Variants in CACNB4 observed in about 807,000 individuals in gnomAD.
CACNB4 encodes the protein voltage-dependent L-type calcium channel subunit beta-4.
A neutral mutation model predicts 71.2 loss-of-function variants in CACNB4; 32 were observed. That is an observed-to-expected ratio of 0.45 (90% confidence interval 0.34 to 0.60). The LOEUF (loss-of-function observed/expected upper bound fraction) is 0.60, where lower values mean the gene tolerates loss of function less well. Ranked by LOEUF, CACNB4 falls within the 20% of genes least tolerant of loss-of-function variation. The pLI, the probability that CACNB4 is intolerant of heterozygous loss-of-function variation, is 0.01. For missense variants in CACNB4, 464 were observed against 647.9 expected (o/e 0.72, Z 3.08); for synonymous variants, 231 against 236.9 (o/e 0.97, Z 0.23).
intron 4 of CACNB4, 78 bp downstream of exon 4, chr2:151,880,722 C>T: frequency 6.6e-7 from 1 of 1,516,850 alleles, no homozygotes; most frequent in Non-Finnish European, 9.0e-7. Context: ...GGTCTCCTCT[C>T]TGGCTAGTTT....
intron 2 of CACNB4, among the ~76,000 whole-genome samples, chr2:151,948,487 C>T (rs184880727): frequency 4.6e-5 from 7 of 152,156 alleles, no homozygotes; most frequent in African/African-American, 1.7e-4. Flanking sequence ...CAGGGAGACT[C>T]CTGTCTCTAT....
chr2:152,085,070 G>C (rs1687577384), intron 2 of CACNB4, among the ~76,000 whole-genome samples: 1 of 152,158 alleles, frequency 6.6e-6, no homozygotes, highest in African/African-American at 2.4e-5. Context: ...AGAGAATATT[G>C]AAGACGGATT....
At chr2:151,847,842 C>T (rs181066792) in intron 12 of CACNB4, among the ~76,000 whole-genome samples, 2 of 152,276 alleles carry the variant, frequency 1.3e-5, no homozygotes, top group East Asian at 3.9e-4. Flanking sequence ...GCTCCGATCG[C>T]GCCACTGCAC....
chr2:151,883,414 T>C (rs754850658), intron 2 of CACNB4, 44 bp from the exon 3 acceptor site: 1 of 1,607,440 alleles, frequency 6.2e-7, no homozygotes, highest in East Asian at 2.2e-5. Context: ...TGTAGCTTCT[T>C]AAATTGTCAC....
intron 2 of CACNB4, among the ~76,000 whole-genome samples, chr2:151,916,632 A>G (rs1245496076): frequency 6.6e-6 from 1 of 152,272 alleles, no homozygotes; most frequent in South Asian, 2.1e-4. Context: ...GAAGTACTTG[A>G]TCACCCACAT....
intron 12 of CACNB4, among the ~76,000 whole-genome samples, chr2:151,847,800 C>G (rs913797418): frequency 6.6e-6 from 1 of 152,068 alleles, no homozygotes. Flanking sequence ...GCAGGAGAAT[C>G]GCTTGAACCC....
chr2:151,859,973 T>C (rs1047150658), intron 10 of CACNB4: 1 of 152,238 alleles, frequency 6.6e-6, no homozygotes, highest in Admixed American at 6.5e-5. Context: ...TTATCCTTCC[T>C]AGTTAAAACA....
At chr2:151,860,869 G>GCT in intron 9 of CACNB4, 49 bp from the exon 10 acceptor site, 1 of 1,196,862 alleles carries the variant, frequency 8.4e-7, no homozygotes, top group Non-Finnish European at 1.2e-6. Context: ...ATGTTATGGG[G>GCT]CTCTCCAAGT....
chr2:151,869,300 G>C, intron 8 of CACNB4, 65 bp from the exon 9 acceptor site: 1 of 959,862 alleles, frequency 1.0e-6, no homozygotes, highest in Non-Finnish European at 1.6e-6. Context: ...GAAGTCAAAA[G>C]GGAGAGAGGA....
At chr2:151,970,513 A>T (rs1181058995) in intron 2 of CACNB4, 1 of 152,232 alleles carries the variant, frequency 6.6e-6, no homozygotes, top group Non-Finnish European at 1.5e-5. Flanking sequence ...ATACACGTAC[A>T]CACTAAAGAG....
At chr2:151,928,391 C>T (rs1039036429) in intron 2 of CACNB4, among the ~76,000 whole-genome samples, 2 of 152,138 alleles carry the variant, frequency 1.3e-5, no homozygotes, top group Non-Finnish European at 2.9e-5. Context: ...AAAGCAGCCC[C>T]ATAAAGGCAA....
At chr2:151,901,272 C>A (rs1478805359) in intron 2 of CACNB4, among the ~76,000 whole-genome samples, 1 of 152,042 alleles carries the variant, frequency 6.6e-6, no homozygotes, top group African/African-American at 2.4e-5. Context: ...TATGAGCCAC[C>A]GTGCCTGGCC....
At chr2:151,924,501 C>T (rs2099859750) in intron 2 of CACNB4, among the ~76,000 whole-genome samples, 2 of 151,192 alleles carry the variant, frequency 1.3e-5, no homozygotes, top group East Asian at 3.9e-4. Context: ...CTTACCTCTG[C>T]ATACTGAGTA....
chr2:151,898,510 C>T (rs540671050), intron 2 of CACNB4, among the ~76,000 whole-genome samples: 46 of 152,328 alleles, frequency 3.0e-4, no homozygotes, highest in Non-Finnish European at 5.7e-4. Context: ...AGACAAAACA[C>T]TCTATTCCCT....
At chr2:152,044,598 G>C (rs1425332097) in intron 2 of CACNB4, among the ~76,000 whole-genome samples, 4 of 152,154 alleles carry the variant, frequency 2.6e-5, no homozygotes, top group African/African-American at 9.7e-5. Context: ...TCCCAGGTAG[G>C]GAATTTATCA....
At chr2:152,043,883 T>C (rs1278107929) in intron 2 of CACNB4, among the ~76,000 whole-genome samples, 1 of 152,130 alleles carries the variant, frequency 6.6e-6, no homozygotes, top group Non-Finnish European at 1.5e-5. Flanking sequence ...TTCACAAACA[T>C]TTGATTCTAT....
At chr2:151,876,632 G>T (rs2099846323) in intron 4 of CACNB4, 76 bp from the exon 5 acceptor site, 1 of 876,808 alleles carries the variant, frequency 1.1e-6, no homozygotes, top group South Asian at 1.9e-5. Flanking sequence ...TAGGGGACAA[G>T]AAGAATAAAA....
intron 2 of CACNB4, among the ~76,000 whole-genome samples, chr2:152,079,411 G>T (rs1349370770): frequency 6.6e-6 from 1 of 151,462 alleles, no homozygotes; most frequent in Non-Finnish European, 1.5e-5. Context: ...TGTTGTTATT[G>T]TTTTAGAGAA....
chr2:151,901,169 G>C (rs530130502), intron 2 of CACNB4, among the ~76,000 whole-genome samples: 97 of 151,756 alleles, frequency 6.4e-4, no homozygotes, highest in African/African-American at 2.2e-3. Context: ...AATTTTTGTA[G>C]AGACAGGGTT....
Sources: gnomAD v4.1 joint callset for allele counts (sites outside exome capture counted in the v4.1 genomes callset) on GRCh38, gnomAD v4.1.1 for gene constraint, MANE v1.5 for transcripts, NCBI Gene and HGNC (gene_info 2026-07-23, HGNC 2026-07-21) for gene names.